DNAH17: variants seen among roughly 807,000 people sequenced by gnomAD.
DNAH17 encodes the protein axonemal beta dynein heavy chain 17.
DNAH17 carries 376 observed loss-of-function variants against 485.6 expected under a neutral mutation model. The ratio of observed to expected loss-of-function variants is 0.77; its 90% CI spans 0.71 to 0.84. DNAH17 has a LOEUF of 0.84. Among genes scored for constraint, DNAH17 ranks in the 40% least tolerant of loss-of-function variants. The pLI, the probability that DNAH17 is intolerant of heterozygous loss-of-function variation, is 0.00. For missense variants in DNAH17, 6,370 were observed against 5,839.3 expected (o/e 1.09, Z -2.96); for synonymous variants, 3,031 against 2,405.9 (o/e 1.26, Z -7.60).
At chr17:78,472,307 C>CGAGGGTTAGGGTTAGGGAGTGGGGGTGT (rs1568106379) in intron 54 of DNAH17, among the ~76,000 whole-genome samples, 1 of 148,706 alleles carries the variant, frequency 6.7e-6, no homozygotes, top group Non-Finnish European at 1.5e-5. Flanking sequence ...AGTGGGGGTG[C>CGAGGGTTAGGGTTAGGGAGTGGGGGTGT]GAGGGTTAGG....
chr17:78,546,529 G>A (rs1174897358), intron 16 of DNAH17, among the ~76,000 whole-genome samples: 1 of 152,010 alleles, frequency 6.6e-6, no homozygotes, highest in Non-Finnish European at 1.5e-5. Flanking sequence ...TTACTGATTT[G>A]GATAGGAGAA....
At chr17:78,541,578 G>C (rs900570049) in intron 17 of DNAH17, among the ~76,000 whole-genome samples, 3 of 151,998 alleles carry the variant, frequency 2.0e-5, no homozygotes, top group Non-Finnish European at 4.4e-5. Flanking sequence ...ACTGTCATGA[G>C]AGTAGCCATA....
At chr17:78,560,196 A>G (rs2092121824) in intron 13 of DNAH17, among the ~76,000 whole-genome samples, 2 of 152,130 alleles carry the variant, frequency 1.3e-5, no homozygotes, top group Admixed American at 1.3e-4. Context: ...AAGCACATAC[A>G]TGTAGTAGGT....
Position 78,463,069 on chromosome 17 carries a change from G to C in DNAH17, c.8949C>G (p.Val2983=), listed in dbSNP as rs779227641. Residue 2983 remains valine (V), a synonymous_variant, in exon 57 of 81, where the codon GTC becomes GTG. Transcript: ENST00000389840. ...ACATGAAGAAGCTGATGGAGGCCTT[G>C]ACTTCCCACTACAAAGATGAGACAG... is the stretch of plus-strand genomic sequence containing the variant. ...LEETEGIPWE[V]KASISFFMSY... 3.7e-6 allele frequency: 6 copies of C among 1,613,736 alleles called. No homozygotes were observed. Among genetic ancestry groups the C allele is most frequent in the South Asian group, 2.2e-5 (2 of 91,010 alleles).
At chr17:78,522,758 GA>G in intron 25 of DNAH17, 2 of 220,980 alleles carry the variant, frequency 9.1e-6, no homozygotes, top group South Asian at 8.3e-5. Flanking sequence ...CAATAATGCC[GA>G]AAAAGTGGTG....
intron 65 of DNAH17, among the ~76,000 whole-genome samples, chr17:78,453,069 G>A (rs1444635446): frequency 6.6e-6 from 1 of 152,206 alleles, no homozygotes; most frequent in East Asian, 1.9e-4. Context: ...CCTAAGAACA[G>A]AATGAAGACA....
intron 63 of DNAH17, among the ~76,000 whole-genome samples, 176 bp from the exon 64 acceptor site, chr17:78,454,881 A>T (rs1253396521): frequency 2.0e-5 from 3 of 151,776 alleles, no homozygotes; most frequent in African/African-American, 7.3e-5. Context: ...TAACTCGGCC[A>T]GAAACGATGT....
chr17:78,478,192 CCAT>C (rs1219409061), intron 51 of DNAH17, among the ~76,000 whole-genome samples: 3 of 147,996 alleles, frequency 2.0e-5, no homozygotes, highest in Non-Finnish European at 3.0e-5. Context: ...ACCATTATCA[CCAT>C]CATATCACCA....
chr17:78,480,026 TTTTTTTTTTTTTTTTTTTTTTTTA>T (rs1211639234), intron 49 of DNAH17, among the ~76,000 whole-genome samples: 2 of 53,366 alleles, frequency 3.7e-5, no homozygotes, highest in African/African-American at 1.5e-4. Context: ...TTTTTTTTTT[TTTTTTTTTTTTTTTTTTTTTTTTA>T]AAAAAAGTAT....
chr17:78,475,198 A>G, intron 54 of DNAH17, 80 bp downstream of exon 54: 1 of 1,504,908 alleles, frequency 6.6e-7, no homozygotes, highest in Non-Finnish European at 9.1e-7. Flanking sequence ...CGCTGGCTTC[A>G]TTTTGGAAAA....
At chr17:78,508,758 A>G (rs2090556091) in intron 27 of DNAH17, among the ~76,000 whole-genome samples, 1 of 152,060 alleles carries the variant, frequency 6.6e-6, no homozygotes, top group African/African-American at 2.4e-5. Flanking sequence ...TTTTGAGGTG[A>G]TGAAAATATT....
In DNAH17 at chr17:78,567,143, C is replaced by T; in HGVS notation, c.1308G>A (p.Glu436=). 1 of 1,606,914 alleles carries T rather than the reference C, an allele frequency of 6.2e-7. No homozygotes were observed. Among genetic ancestry groups the T allele is most frequent in the Non-Finnish European group, 8.5e-7 (1 of 1,176,652 alleles). Reference sequence around the variant, plus strand: ...GCTCGATTTTCTCCAGCTTCAGAAACTCAATTGCTGTTTTATAGAGTTCCT... The same window carrying T: ...GCTCGATTTTCTCCAGCTTCAGAAATTCAATTGCTGTTTTATAGAGTTCCT... The part of the protein sequence containing the change: ...TIEELYKTAI[E]FLKLEKIELG... The change falls in exon 10 of 81, where the codon GAG becomes GAA. Residue 436 remains glutamate, a synonymous_variant. Transcript: ENST00000389840.
chr17:78,475,784 A>C lies in DNAH17; in HGVS notation c.8204T>G (p.Phe2735Cys). 6.2e-7 allele frequency: 1 copy of C among 1,614,032 alleles called. No homozygotes were observed. The highest frequency in any genetic ancestry group is 8.5e-7 in the Non-Finnish European group (1 of 1,179,898). Reference sequence around the variant, plus strand: ...TTTGGGATCGCCAATCCCTTGAGCAAAGTGGCAGAAGATATTTGGCTTGGC... The same window carrying C: ...TTTGGGATCGCCAATCCCTTGAGCACAGTGGCAGAAGATATTTGGCTTGGC... ...LFAKPNIFCH[F>C]AQGIGDPKYV... The change falls in exon 53 of 81, where the codon TTT (phenylalanine) becomes TGT (cysteine). Residue 2735 changes from phenylalanine (F) to cysteine (C), a missense_variant. Phe to Cys is a radical substitution (Grantham distance 205, BLOSUM62 -2). Coordinates refer to ENST00000389840, the MANE Select transcript of DNAH17 (RefSeq NM_173628.4).
intron 13 of DNAH17, 45 bp downstream of exon 13, chr17:78,560,695 C>CG (rs1568256320): frequency 2.0e-6 from 3 of 1,500,484 alleles, no homozygotes; most frequent in South Asian, 2.6e-5. Flanking sequence ...GCCCTCCCCC[C>CG]GCTCCCAAGG....
intron 41 of DNAH17, among the ~76,000 whole-genome samples, 162 bp from the exon 42 acceptor site, chr17:78,492,927 C>CT (rs1190137028): frequency 7.3e-6 from 1 of 137,808 alleles, no homozygotes; most frequent in Admixed American, 8.3e-5. Context: ...TCTCAGCTCA[C>CT]TGCAACCTCT....
intron 21 of DNAH17, 123 bp from the exon 22 acceptor site, chr17:78,529,817 G>A: frequency 1.0e-6 from 1 of 983,818 alleles, no homozygotes; most frequent in Non-Finnish European, 1.5e-6. Context: ...GAAGGCCCCA[G>A]GTGGGGAGGG....
At position 78,479,578 on chromosome 17, in the gene DNAH17, T is replaced by C. The variant is rs568460499; in HGVS notation, c.7807A>G (p.Ile2603Val). 6.2e-7 allele frequency: 1 copy of C among 1,613,608 alleles called. No homozygotes were observed. The highest frequency in any genetic ancestry group is 2.2e-5 in the East Asian group (1 of 44,870). The stretch of plus-strand genomic sequence containing the variant: ...TGCTGCGTCAGGATTGTGTTGTAGA[T>C]GGTGGTGAGGGCCTCCTGGCCGGGG... Reference protein sequence around the residue: ...SFPGQEALTTIYNTILTQHLA... With the variant: ...SFPGQEALTTVYNTILTQHLA... The change falls in exon 50 of 81, where the codon ATC becomes GTC. Residue 2603 changes from isoleucine to valine, a missense_variant. By Grantham distance (29) the Ile-to-Val change is conservative (BLOSUM62 3). Coordinates refer to ENST00000389840, the MANE Select transcript of DNAH17 (RefSeq NM_173628.4).
intron 55 of DNAH17, 66 bp from the exon 56 acceptor site, chr17:78,466,882 C>G: frequency 7.0e-7 from 1 of 1,418,724 alleles, no homozygotes; most frequent in Non-Finnish European, 9.3e-7. Context: ...ATCCATCACT[C>G]TGCAGAAAGC....
intron 24 of DNAH17, among the ~76,000 whole-genome samples, chr17:78,526,380 G>A (rs2091072585): frequency 1.3e-5 from 2 of 152,168 alleles, no homozygotes; most frequent in African/African-American, 4.8e-5. Context: ...TAAGGGGCCT[G>A]AGCCGTGGGC....
Sources: allele counts gnomAD v4.1 joint callset (sites outside exome capture counted in the v4.1 genomes callset), GRCh38; gene constraint gnomAD v4.1.1; transcripts MANE v1.5; gene names NCBI Gene and HGNC (gene_info 2026-07-23, HGNC 2026-07-21).